The following PELP1 variants were observed in gnomAD, a reference collection of about 807,000 sequenced individuals.
PELP1 encodes the protein proline-, glutamic acid- and leucine-rich protein 1.
A neutral mutation model predicts 95.5 loss-of-function variants in PELP1; 32 were observed. The observed-to-expected ratio is 0.34, with a 90% CI of 0.25 to 0.45. PELP1 has a LOEUF of 0.45. PELP1 is among the 20% of genes least tolerant of loss of function. The probability of loss-of-function intolerance (pLI) is 1.00; values close to 1 mark genes in which losing one functional copy is unlikely to be tolerated. For synonymous variants in PELP1, 668 were observed against 600.1 expected (o/e 1.11, Z -1.65); for missense variants, 1,358 against 1,444.8 (o/e 0.94, Z 0.97).
At position 4,671,272 on chromosome 17, in the gene PELP1, A is replaced by G; in HGVS notation, c.*167T>C. On this transcript the variant is annotated 3_prime_UTR_variant, in exon 17 of 17. Transcript: ENST00000572293. ...AGTTGTTCCTCTCTGGATCGTCAAAAAGAGGACAGCTATGGAGACATCTGG... is the reference window on the plus strand; with the variant it reads ...AGTTGTTCCTCTCTGGATCGTCAAAGAGAGGACAGCTATGGAGACATCTGG... 1.6e-6 allele frequency: 1 copy of G among 610,018 alleles called. No homozygotes were observed. The highest frequency in any genetic ancestry group is 2.9e-6 in the Non-Finnish European group (1 of 341,072). The allele number at this position is 610,018 out of a possible 1,614,324, so 37.8% of individuals were successfully genotyped here.
At chr17:4,687,661 C>T (rs1912955666) in intron 3 of PELP1, among the ~76,000 whole-genome samples, 1 of 152,046 alleles carries the variant, frequency 6.6e-6, no homozygotes, top group South Asian at 2.1e-4. Context: ...ATGTGGTTCA[C>T]AAAGCATAAA....
Position 4,672,465 on chromosome 17 carries a change from G to A in PELP1, c.2526C>T (p.Pro842=). The A allele has an allele frequency of 6.4e-7, 1 of 1,568,770 alleles. No homozygotes were observed. The highest frequency in any genetic ancestry group is 8.6e-7 in the Non-Finnish European group (1 of 1,158,000). ...LPAAPGPLPP[P]PPPPPPVPGP... is the part of the protein sequence containing the mutation. The stretch of plus-strand genomic sequence containing the variant: ...CAGGAACAGGCGGCGGCGGAGGTGG[G>A]GGTGGCGGGAGAGGCCCTGGGGCTG... Residue 842 remains proline, a synonymous_variant, in exon 16 of 17, where the codon CCC becomes CCT. Transcript: ENST00000572293.
rs1467686375 is a variant in PELP1, at chr17:4,704,092, C to G, written c.20G>C (p.Ser7Thr). 9 of 1,608,714 alleles carry G rather than the reference C, an allele frequency of 5.6e-6. No homozygotes were observed. Among genetic ancestry groups the G allele is most frequent in the Non-Finnish European group, 6.8e-6 (8 of 1,178,526 alleles). ...AGCCGCGGAGCCCGCAGAGGGCCCA[C>G]TCAGAACGGCTGCCGCCATCTTCCC... MAAAVLSGPSAGSAAGV... is the reference protein window; with the variant it reads MAAAVLTGPSAGSAAGV... Residue 7 changes from serine to threonine, a missense_variant, in exon 1 of 17, where the codon AGT becomes ACT. Ser to Thr is a moderately conservative substitution (Grantham distance 58). Coordinates refer to ENST00000572293, the MANE Select transcript of PELP1 (RefSeq NM_014389.3).
At chr17:4,689,577 AT>A (rs1913020288) in intron 3 of PELP1, among the ~76,000 whole-genome samples, 1 of 152,244 alleles carries the variant, frequency 6.6e-6, no homozygotes, top group African/African-American at 2.4e-5. Flanking sequence ...CATCACTACC[AT>A]TTGATCCAGC....
chr17:4,687,985 CT>C, intron 3 of PELP1, among the ~76,000 whole-genome samples: 1 of 152,196 alleles, frequency 6.6e-6, no homozygotes, highest in East Asian at 1.9e-4. Flanking sequence ...TTCACCACTT[CT>C]ATTCAACATA....
At position 4,670,120 on chromosome 17, in the gene PELP1, T is replaced by C. The variant is rs1308059234; in HGVS notation, c.*1319A>G. The C allele has an allele frequency of 6.6e-6, 1 of 152,222 alleles. No homozygotes were observed. Among genetic ancestry groups the C allele is most frequent in the Non-Finnish European group, 1.5e-5 (1 of 68,030 alleles). The allele number at this position is 152,222 out of a possible 1,614,324, so 9.4% of individuals were successfully genotyped here. On this transcript the variant is annotated 3_prime_UTR_variant, in exon 17 of 17. Transcript: ENST00000572293. ...GCAAAGGTTATCTATTATACTGTTC[T>C]CACTTTTCTGTTTATTTCGAAAACA... is the stretch of plus-strand genomic sequence containing the variant.
At position 4,682,615 on chromosome 17, in the gene PELP1, C is replaced by T. The variant is rs759797641; in HGVS notation, c.571-42G>A. On this transcript the variant is annotated intron_variant, in intron 4 of 16. Coordinates refer to ENST00000572293, the MANE Select transcript of PELP1 (RefSeq NM_014389.3). ...GGGAGAAACGAGAGGCTGCGAGCAC[C>T]ATGTCACCATATTCCATCTCCCCCA... The T allele has an allele frequency of 3.9e-6, 6 of 1,534,152 alleles. 1 individual carries two copies. The South Asian group carries it at 6.7e-5, about 17-fold the overall frequency.
At position 4,674,241 on chromosome 17, in the gene PELP1, C is replaced by T. The variant is rs138415254; in HGVS notation, c.1582+269G>A. On this transcript the variant is annotated intron_variant, in intron 13 of 16. Transcript: ENST00000572293. ...GAGCTCCCGGTCTAACCGCAGGACC[C>T]GAGGCCGCCTGCAGCCCTGGCAACA... is the stretch of plus-strand genomic sequence containing the variant. Among the ~76,000 whole-genome samples, 507 of 152,368 alleles carry T rather than the reference C, an allele frequency of 3.3e-3. 4 individuals are homozygous for T. Among genetic ancestry groups the T allele is most frequent in the South Asian group, 8.3e-3 (40 of 4,834 alleles).
In PELP1 at chr17:4,703,985, C is replaced by G. The variant is rs1404304361; in HGVS notation, c.127G>C (p.Gly43Arg). 1 of 1,613,554 alleles carries G rather than the reference C, an allele frequency of 6.2e-7. No homozygotes were observed. Among genetic ancestry groups the G allele is most frequent in the Non-Finnish European group, 8.5e-7 (1 of 1,179,736 alleles). The change falls in exon 1 of 17, where the codon GGT (glycine) becomes CGT (arginine). Residue 43 changes from glycine to arginine, a missense_variant. Physicochemically the swap from Gly to Arg is moderately radical, Grantham distance 125 (BLOSUM62 -2). Around this residue, in one of 7 missense-constraint regions of PELP1, gnomAD observed 169 missense variants for 134.9 expected, o/e 1.25. Coordinates refer to ENST00000572293, the MANE Select transcript of PELP1 (RefSeq NM_014389.3). ...GACCCCGTTCGAGGTTGCAGCAAAC[C>G]AGAAACACTCTCCAGCAGCAGCAGG... ...LRLLLLESVS[G>R]LLQPRTGSAV...
intron 3 of PELP1, among the ~76,000 whole-genome samples, chr17:4,688,967 C>T (rs1365928977): frequency 3.3e-5 from 5 of 152,158 alleles, no homozygotes; most frequent in African/African-American, 4.8e-5. Context: ...GCTACAGTTA[C>T]CAAAACAGCA....
chr17:4,676,785 T>G lies in PELP1; in HGVS notation c.670A>C (p.Arg224=). 6.4e-7 allele frequency: 1 copy of G among 1,570,780 alleles called. No individual in the cohort carries two copies. The highest frequency in any genetic ancestry group is 1.2e-5 in the South Asian group (1 of 85,246). ...KGKLASFFLS[R]VDALSPQLQQ... ...AGCTGAGGGCTCAAGGCATCCACCC[T>G]AGACAGAAAAAATGAGGCCAGCTTG... The change falls in exon 6 of 17, where the codon AGG becomes CGG. Residue 224 remains arginine, a synonymous_variant. Transcript: ENST00000572293.
chr17:4,697,872 C>G (rs1350145739), intron 1 of PELP1, among the ~76,000 whole-genome samples: 1 of 151,820 alleles, frequency 6.6e-6, no homozygotes, highest in South Asian at 2.1e-4. Context: ...TTATCTCCCC[C>G]CAAGACACTT....
At chr17:4,679,101 A>G (rs1912604596) in intron 5 of PELP1, among the ~76,000 whole-genome samples, 1 of 151,452 alleles carries the variant, frequency 6.6e-6, no homozygotes, top group South Asian at 2.1e-4. Context: ...ATCTCAGCTC[A>G]CTGCACCCTC....
rs909629719 is a variant in PELP1 at position 4,675,599 on chromosome 17, C to A, written c.1068+198G>T. 3 of 710,518 alleles carry A rather than the reference C, an allele frequency of 4.2e-6. No homozygotes were observed. The highest frequency in any genetic ancestry group is 2.7e-5 in the East Asian group (1 of 37,206). The allele number at this position is 710,518 out of a possible 1,614,324, so 44.0% of individuals were successfully genotyped here. ...GCTGATCCCCAAATTCACCCTCCCCCAAGGAAGCATTTGCTACACTCTGAC... is the reference window on the plus strand; with the variant it reads ...GCTGATCCCCAAATTCACCCTCCCCAAAGGAAGCATTTGCTACACTCTGAC... On this transcript the variant is annotated intron_variant, in intron 9 of 16. Coordinates refer to ENST00000572293, the MANE Select transcript of PELP1 (RefSeq NM_014389.3). This position sits in a 1 kb window ranked among gnomAD's most constrained non-coding sequence, Gnocchi z 4.3.
intron 1 of PELP1, among the ~76,000 whole-genome samples, 166 bp downstream of exon 1, chr17:4,703,697 G>A (rs1913643216): frequency 1.3e-5 from 2 of 152,154 alleles, no homozygotes; most frequent in South Asian, 4.1e-4. Context: ...GGCCGATAAA[G>A]GAGAAATACG....
chr17:4,699,056 T>C (rs768196100), intron 1 of PELP1, among the ~76,000 whole-genome samples: 1 of 152,190 alleles, frequency 6.6e-6, no homozygotes, highest in Non-Finnish European at 1.5e-5. Flanking sequence ...AGATCTGTCA[T>C]TATCAGAATA....
At position 4,676,642 on chromosome 17, in the gene PELP1, G is replaced by C. The variant is rs9904806; in HGVS notation, c.702+111C>G. On this transcript the variant is annotated intron_variant, in intron 6 of 16. Transcript: ENST00000572293. ...AAACCTGAGATGGGACAATGAGGCC[G>C]AAGGACACAGATGGGCATATGAAGG... The C allele has an allele frequency of 5.8e-6, 8 of 1,373,160 alleles. No individual in the cohort carries two copies. The Admixed American group carries it at 1.6e-4, about 27-fold the overall frequency. The allele number at this position is 1,373,160 out of a possible 1,614,324, so 85.1% of individuals were successfully genotyped here.
chr17:4,675,705 G>C lies in PELP1; in HGVS notation c.1068+92C>G. 1 of 893,586 alleles carries C rather than the reference G, an allele frequency of 1.1e-6. No individual in the cohort carries two copies. The highest frequency in any genetic ancestry group is 1.8e-6 in the Non-Finnish European group (1 of 545,714). 55.4% of individuals were successfully genotyped at this position (893,586 alleles called of 1,614,324 possible). On this transcript the variant is annotated intron_variant, in intron 9 of 16. Coordinates refer to ENST00000572293, the MANE Select transcript of PELP1 (RefSeq NM_014389.3). This position sits in a 1 kb window ranked among gnomAD's most constrained non-coding sequence, Gnocchi z 4.3. The stretch of plus-strand genomic sequence containing the variant: ...AAGCTCTCTGGGACGACTCCAGGAT[G>C]ACACTGTTTGGGGAGACTCAGGTCC...
rs1238437746 is a variant in PELP1 at position 4,675,626 on chromosome 17, C to T, written c.1068+171G>A. The T allele has an allele frequency of 1.4e-6, 1 of 718,228 alleles. No individual in the cohort carries two copies. The highest frequency in any genetic ancestry group is 2.6e-6 in the Non-Finnish European group (1 of 391,994). The allele number at this position is 718,228 out of a possible 1,614,324, so 44.5% of individuals were successfully genotyped here. On this transcript the variant is annotated intron_variant, in intron 9 of 16. Transcript: ENST00000572293. This position sits in a 1 kb window ranked among gnomAD's most constrained non-coding sequence, Gnocchi z 4.3. ...AGGAAGCATTTGCTACACTCTGACA[C>T]TGTGCTCCTGTGTCACGACACATAG...
Sources: allele counts gnomAD v4.1 joint callset (sites outside exome capture counted in the v4.1 genomes callset), GRCh38; gene constraint gnomAD v4.1.1; regional missense constraint gnomAD v4.1.1; non-coding constraint Gnocchi (gnomAD v3.1); transcripts MANE v1.5; gene names NCBI Gene and HGNC (gene_info 2026-07-23, HGNC 2026-07-21).